The following ZNF518A variants were observed in gnomAD, a reference collection of about 807,000 sequenced individuals.
ZNF518A encodes zinc finger protein 518A, also known as zinc finger protein 518.
In ZNF518A, 47 loss-of-function variants were observed where a neutral mutation model predicts 102.7. The observed-to-expected ratio is 0.46, with a 90% confidence interval of 0.36 to 0.58. ZNF518A has a LOEUF of 0.58. ZNF518A is among the 20% of genes least tolerant of loss of function. The probability of loss-of-function intolerance (pLI) is 0.00; values close to 1 mark genes in which losing one functional copy is unlikely to be tolerated. For synonymous variants in ZNF518A, 652 were observed against 594.6 expected, an observed-to-expected ratio of 1.10 and a Z score of -1.40; for missense variants, 1,793 against 1,699.8, an observed-to-expected ratio of 1.05 and a Z score of -0.96.
rs190491922 is a variant in ZNF518A at position 96,154,957 on chromosome 10, G to A, written c.-301-369G>A. On this transcript the variant is annotated intron_variant, in intron 3 of 5. Transcript: ENST00000316045. ...TTTGTAGGTATTTAGATTAATTGAA[G>A]TTTAAAGCTGAGACCTTTGGATAGA... Among the ~76,000 whole-genome samples the A allele has an allele frequency of 1.1e-4, 16 of 152,244 alleles. No homozygotes were observed. In the East Asian group the frequency reaches 2.9e-3, roughly 28 times the overall value.
In ZNF518A at chr10:96,158,605, G is replaced by A; in HGVS notation, c.2283G>A (p.Met761Ile). 1.9e-6 allele frequency: 3 copies of A among 1,613,338 alleles called. No homozygotes were observed. The highest frequency in any genetic ancestry group is 2.5e-6 in the Non-Finnish European group (3 of 1,179,648). ...TTTCTAATGTCGATTCACCTATGAT[G>A]CCTAGAATCACATCTGTTTTCTCTC... ...EDFSNVDSPM[M>I]PRITSVFSLQ... Residue 761 changes from methionine to isoleucine, a missense_variant, in exon 6 of 6, where the codon ATG (methionine) becomes ATA (isoleucine). Coordinates refer to ENST00000316045, the MANE Select transcript of ZNF518A (RefSeq NM_001330736.2).
chr10:96,134,086 T>A (rs1399476210), intron 3 of ZNF518A, among the ~76,000 whole-genome samples: 2 of 152,184 alleles, frequency 1.3e-5, no homozygotes, highest in Non-Finnish European at 2.9e-5. Flanking sequence ...ATCTGAAACT[T>A]TTTGAGTGCT....
chr10:96,147,882 C>T (rs782750362), intron 3 of ZNF518A, among the ~76,000 whole-genome samples: 2 of 152,098 alleles, frequency 1.3e-5, no homozygotes, highest in African/African-American at 2.4e-5. Context: ...ATTTCCTTCC[C>T]CTTTGTACTC....
At chr10:96,197,437 TG>T (rs1430011761) in intron 1 of ZNF518A, among the ~76,000 whole-genome samples, 2 of 152,146 alleles carry the variant, frequency 1.3e-5, no homozygotes, top group Non-Finnish European at 2.9e-5. Context: ...CCTGAGTACC[TG>T]GGACTACTGG....
rs1554895731 is a variant in ZNF518A, at chr10:96,200,142, C to T, written n.36-3432C>T. ...ACAGGCTCCAGCATACCATGGCTTG[C>T]AGAGAACGCCAGCTTCCTGTGAAAT... On this transcript the variant is annotated intron_variant and non_coding_transcript_variant, in intron 1 of 2. Transcript: ENST00000442635. The surrounding 1 kb of genome is among the most constrained non-coding windows in gnomAD (Gnocchi z 4.3). The T allele has an allele frequency of 6.2e-7, 1 of 1,614,098 alleles. No homozygotes were observed. Among genetic ancestry groups the T allele is most frequent in the Admixed American group, 1.7e-5 (1 of 60,020 alleles).
Position 96,159,681 on chromosome 10 carries a change from C to T in ZNF518A, c.3359C>T (p.Pro1120Leu). The T allele has an allele frequency of 6.2e-7, 1 of 1,613,292 alleles. No homozygotes were observed. Among genetic ancestry groups the T allele is most frequent in the South Asian group, 1.1e-5 (1 of 91,074 alleles). ...CCAAATAAAACTGAGCTGCTTAAGC[C>T]CAAATTAGTCCAAAATAGTACTTAT... ...VMPNKTELLK[P>L]KLVQNSTYQN... Residue 1120 changes from proline to leucine, a missense_variant, in exon 6 of 6, where the codon CCC becomes CTC. Physicochemically the swap from Pro to Leu is moderately conservative, Grantham distance 98. Around this residue, in one of 3 missense-constraint regions of ZNF518A, gnomAD observed 1,741 missense variants for 1,622.6 expected, o/e 1.07. Coordinates refer to ENST00000316045, the MANE Select transcript of ZNF518A (RefSeq NM_001330736.2).
intron 3 of ZNF518A, chr10:96,135,181 A>G (rs1164606677): frequency 2.0e-5 from 3 of 152,236 alleles, no homozygotes; most frequent in African/African-American, 7.2e-5. Flanking sequence ...TGCTGGTGGC[A>G]TTCTTTACCA....
chr10:96,193,759 G>A lies in ZNF518A; in HGVS notation n.36-9815G>A, dbSNP rs1231844290. 3.9e-5 allele frequency among the ~76,000 whole-genome samples: 6 copies of A among 152,278 alleles called. 1 individual carries two copies. The highest frequency in any genetic ancestry group is 3.3e-4 in the Admixed American group (5 of 15,290). The stretch of plus-strand genomic sequence containing the variant: ...AAATTACTCAATGTTGTATCACACA[G>A]TGCCAAAATAGCTGCATAAACAGTT... On this transcript the variant is annotated intron_variant and non_coding_transcript_variant, in intron 1 of 2. Coordinates refer to the ZNF518A transcript ENST00000442635.
At chr10:96,154,739 G>T (rs1391981940) in intron 3 of ZNF518A, among the ~76,000 whole-genome samples, 1 of 151,978 alleles carries the variant, frequency 6.6e-6, no homozygotes, top group Non-Finnish European at 1.5e-5. Flanking sequence ...CCTTCATCTT[G>T]TGTTACCTTT....
intron 1 of ZNF518A, among the ~76,000 whole-genome samples, chr10:96,194,221 C>G (rs2083400988): frequency 6.6e-6 from 1 of 152,162 alleles, no homozygotes; most frequent in African/African-American, 2.4e-5. Flanking sequence ...CACCCTTAAG[C>G]CTCTTATAGA....
At chr10:96,202,667 G>T (rs1373590379) in intron 1 of ZNF518A, among the ~76,000 whole-genome samples, 3 of 152,208 alleles carry the variant, frequency 2.0e-5, no homozygotes, top group African/African-American at 7.2e-5. Context: ...AAGGAAGGAT[G>T]TATTCTAATA....
At chr10:96,172,433 ACT>A (rs2083179238) in intron 1 of ZNF518A, among the ~76,000 whole-genome samples, 1 of 151,760 alleles carries the variant, frequency 6.6e-6, no homozygotes, top group South Asian at 2.1e-4. Context: ...CATATGAAAA[ACT>A]CTATAAATAT....
chr10:96,171,228 T>G (rs1554890872), intron 1 of ZNF518A, among the ~76,000 whole-genome samples: 1 of 152,130 alleles, frequency 6.6e-6, no homozygotes, highest in African/African-American at 2.4e-5. Flanking sequence ...ACACAAAAAT[T>G]TATACAAGGA....
At chr10:96,180,587 A>T (rs1397193159) in intron 1 of ZNF518A, among the ~76,000 whole-genome samples, 2 of 151,614 alleles carry the variant, frequency 1.3e-5, no homozygotes, top group African/African-American at 4.9e-5. Flanking sequence ...GAGTGAGAAC[A>T]TGCGGTGTTA....
chr10:96,158,135 G>A lies in ZNF518A; in HGVS notation c.1813G>A (p.Ala605Thr). 2 of 1,613,458 alleles carry A rather than the reference G, an allele frequency of 1.2e-6. No individual in the cohort carries two copies. The highest frequency in any genetic ancestry group is 1.1e-5 in the South Asian group (1 of 91,040). Residue 605 changes from alanine to threonine, a missense_variant, in exon 6 of 6, where the codon GCC (alanine) becomes ACC (threonine). Physicochemically the swap from Ala to Thr is moderately conservative, Grantham distance 58. Coordinates refer to ENST00000316045, the MANE Select transcript of ZNF518A (RefSeq NM_001330736.2). ...IKSPDKVNCV[A>T]KPNAYNSGDM... Reference sequence around the variant, plus strand: ...AAGTCCAGATAAAGTCAACTGTGTTGCCAAACCAAATGCATACAACAGTGG... The same window carrying A: ...AAGTCCAGATAAAGTCAACTGTGTTACCAAACCAAATGCATACAACAGTGG...
chr10:96,204,705 T>G, downstream of ZNF518A: 2 of 1,218,776 alleles, frequency 1.6e-6, no homozygotes, highest in Non-Finnish European at 2.4e-6. Flanking sequence ...AAGAACCAAA[T>G]TTGATCAGAA....
downstream of ZNF518A, among the ~76,000 whole-genome samples, chr10:96,168,326 CCA>C (rs1464103818): frequency 1.3e-5 from 2 of 151,932 alleles, no homozygotes; most frequent in African/African-American, 2.4e-5. Flanking sequence ...TTTTTGCTCA[CCA>C]CACGGGAATT....
downstream of ZNF518A, among the ~76,000 whole-genome samples, chr10:96,166,768 A>C (rs1250891165): frequency 6.6e-6 from 1 of 152,164 alleles, no homozygotes; most frequent in Admixed American, 6.5e-5. Flanking sequence ...CTCTGTCTCA[A>C]AAAGAAAGAA....
Position 96,200,958 on chromosome 10 carries a change from T to C in ZNF518A, n.36-2616T>C. 1 of 1,602,766 alleles carries C rather than the reference T, an allele frequency of 6.2e-7. No individual in the cohort carries two copies. The highest frequency in any genetic ancestry group is 1.3e-5 in the African/African-American group (1 of 74,780). On this transcript the variant is annotated intron_variant and non_coding_transcript_variant, in intron 1 of 2. Transcript: ENST00000442635. This position sits in a 1 kb window ranked among gnomAD's most constrained non-coding sequence, Gnocchi z 4.3. ...CTGCAGTTTCCTGGTAACAATTTAG[T>C]GACATCAAGAGTTCATTTCATACCT... is the stretch of plus-strand genomic sequence containing the variant.
Sources: allele counts gnomAD v4.1 joint callset (sites outside exome capture counted in the v4.1 genomes callset), GRCh38; gene constraint gnomAD v4.1.1; regional missense constraint gnomAD v4.1.1; non-coding constraint Gnocchi (gnomAD v3.1); transcripts MANE v1.5; gene names NCBI Gene and HGNC (gene_info 2026-07-23, HGNC 2026-07-21).